Variants in DIPK1A observed in about 807,000 individuals in gnomAD.
DIPK1A encodes the protein divergent protein kinase domain 1A.
In DIPK1A, 27 loss-of-function variants were observed where a neutral mutation model predicts 40.8. The observed-to-expected ratio is 0.66, with a 90% CI of 0.49 to 0.91. The LOEUF is 0.91. DIPK1A is among the 40% of genes least tolerant of loss of function. The pLI, the probability that DIPK1A is intolerant of heterozygous loss-of-function variation, is 0.00. For missense variants in DIPK1A, 412 were observed against 505.7 expected, an observed-to-expected ratio of 0.81 and a Z score of 1.78; for synonymous variants, 166 against 171.3, an observed-to-expected ratio of 0.97 and a Z score of 0.24.
At chr1:92,914,115 G>C (rs1571119153) in intron 1 of DIPK1A, among the ~76,000 whole-genome samples, 2 of 151,714 alleles carry the variant, frequency 1.3e-5, no homozygotes, top group South Asian at 2.1e-4. Flanking sequence ...AAGGAACTAA[G>C]GGTATAGAAA....
chr1:92,878,303 C>T (rs992749991), intron 1 of DIPK1A, among the ~76,000 whole-genome samples: 6 of 152,018 alleles, frequency 3.9e-5, no homozygotes, highest in African/African-American at 1.4e-4. Context: ...CCAGCACTTT[C>T]GGAGGCTGAG....
chr1:92,894,447 G>A (rs137978869), intron 1 of DIPK1A, among the ~76,000 whole-genome samples: 4,958 of 152,130 alleles, frequency 0.033, 115 homozygotes, highest in Non-Finnish European at 0.049. Flanking sequence ...GATGTTCTTT[G>A]AAACCAACAA....
At position 92,845,182 on chromosome 1, in the gene DIPK1A, T is replaced by C. The variant is rs568180533; in HGVS notation, c.475-987A>G. Reference sequence around the variant, plus strand: ...CAGGATGGTCTCGATCTCCTGACCTTGTGATCCATCCGTCTCGGCTTCCCA... The same window carrying C: ...CAGGATGGTCTCGATCTCCTGACCTCGTGATCCATCCGTCTCGGCTTCCCA... On this transcript the variant is annotated intron_variant, in intron 4 of 4. Transcript: ENST00000370310. Among the ~76,000 whole-genome samples, 6 of 151,146 alleles carry C rather than the reference T, an allele frequency of 4.0e-5. No homozygotes were observed. In the South Asian group the frequency reaches 1.3e-3, roughly 32 times the overall value.
chr1:92,906,306 C>T (rs145673297), intron 1 of DIPK1A, among the ~76,000 whole-genome samples: 1 of 152,220 alleles, frequency 6.6e-6, no homozygotes, highest in African/African-American at 2.4e-5. Context: ...AAATCAGAGA[C>T]TAAGTCTTAG....
intron 1 of DIPK1A, among the ~76,000 whole-genome samples, chr1:92,915,115 A>G (rs1323149821): frequency 6.7e-6 from 1 of 150,134 alleles, no homozygotes; most frequent in Non-Finnish European, 1.5e-5. Context: ...AAGGACACAC[A>G]CACACACCCT....
chr1:92,894,008 C>A (rs1571100125), intron 1 of DIPK1A, among the ~76,000 whole-genome samples: 1 of 152,136 alleles, frequency 6.6e-6, no homozygotes, highest in East Asian at 1.9e-4. Context: ...TAAAGCCAGT[C>A]CTCAGAGACC....
intron 1 of DIPK1A, among the ~76,000 whole-genome samples, chr1:92,945,448 T>C (rs1348967891): frequency 6.6e-6 from 1 of 152,128 alleles, no homozygotes; most frequent in African/African-American, 2.4e-5. Flanking sequence ...CCAGGGTCAT[T>C]ACCCTGGCCC....
chr1:92,960,594 G>C (rs1652032914), intron 1 of DIPK1A, among the ~76,000 whole-genome samples: 1 of 152,306 alleles, frequency 6.6e-6, no homozygotes, highest in Admixed American at 6.5e-5. Flanking sequence ...ACTGGCAGCG[G>C]AACAGAGGGT....
At chr1:92,928,205 T>C (rs1466805242) in intron 1 of DIPK1A, among the ~76,000 whole-genome samples, 1 of 152,228 alleles carries the variant, frequency 6.6e-6, no homozygotes, top group East Asian at 1.9e-4. Context: ...CTGAACTCTT[T>C]GCATTTTTGT....
chr1:92,833,500 C>T (rs1279693237), intron 4 of DIPK1A: 2 of 1,610,764 alleles, frequency 1.2e-6, no homozygotes, highest in Admixed American at 1.7e-5. Context: ...ATCTGCTTTG[C>T]AGATGCAGTG....
At chr1:92,838,220 GTTAT>G, downstream of DIPK1A, among the ~76,000 whole-genome samples, 1 of 152,306 alleles carries the variant, frequency 6.6e-6, no homozygotes, top group East Asian at 1.9e-4. Flanking sequence ...ACCACTTTCT[GTTAT>G]TTCTATGCTT....
chr1:92,893,803 G>A (rs1169432909), intron 1 of DIPK1A, among the ~76,000 whole-genome samples: 3 of 151,996 alleles, frequency 2.0e-5, no homozygotes, highest in Non-Finnish European at 4.4e-5. Flanking sequence ...AGGGGATGGA[G>A]GAAGATCTAC....
At chr1:92,911,545 C>T (rs898357454) in intron 1 of DIPK1A, among the ~76,000 whole-genome samples, 7 of 152,138 alleles carry the variant, frequency 4.6e-5, no homozygotes, top group African/African-American at 1.4e-4. Context: ...ATATTATATA[C>T]GTACCATAGT....
At chr1:92,904,698 T>C (rs1188314348) in intron 1 of DIPK1A, among the ~76,000 whole-genome samples, 1 of 152,122 alleles carries the variant, frequency 6.6e-6, no homozygotes, top group Non-Finnish European at 1.5e-5. Flanking sequence ...TTTTTAAATG[T>C]ACAATAAATT....
chr1:92,842,028 G>GTAAC (rs767483834), downstream of DIPK1A: 38 of 779,874 alleles, frequency 4.9e-5, no homozygotes, highest in South Asian at 7.5e-5. Flanking sequence ...GAAAACAAGT[G>GTAAC]TAACTAACTT....
chr1:92,909,238 T>C (rs1234159551), intron 1 of DIPK1A, among the ~76,000 whole-genome samples: 1 of 152,144 alleles, frequency 6.6e-6, no homozygotes, highest in Admixed American at 6.5e-5. Flanking sequence ...ATACCTGAAA[T>C]TCAGTATGTC....
intron 2 of DIPK1A, among the ~76,000 whole-genome samples, chr1:92,856,664 G>A (rs188574036): frequency 9.1e-4 from 139 of 152,250 alleles, no homozygotes; most frequent in African/African-American, 3.2e-3. Context: ...TTATCCACCC[G>A]CCTTGGCCTC....
intron 1 of DIPK1A, among the ~76,000 whole-genome samples, chr1:92,904,757 A>G (rs1167767834): frequency 6.6e-6 from 1 of 152,010 alleles, no homozygotes. Flanking sequence ...GATCTTATTC[A>G]TTCTAACTAT....
At chr1:92,913,844 G>A (rs1340372439) in intron 1 of DIPK1A, among the ~76,000 whole-genome samples, 3 of 152,062 alleles carry the variant, frequency 2.0e-5, no homozygotes, top group African/African-American at 7.2e-5. Context: ...AGAAAATCAA[G>A]AATAGATCAA....
Sources: allele counts gnomAD v4.1 joint callset (sites outside exome capture counted in the v4.1 genomes callset), GRCh38; gene constraint gnomAD v4.1.1; transcripts MANE v1.5; gene names NCBI Gene and HGNC (gene_info 2026-07-23, HGNC 2026-07-21).